The following RAB38 variants were observed in gnomAD, a reference collection of about 807,000 sequenced individuals.
RAB38 encodes the protein ras-related protein Rab-38.
In RAB38, 15 loss-of-function variants were observed where a neutral mutation model predicts 18.4. The ratio of observed to expected loss-of-function variants is 0.82; its 90% CI spans 0.55 to 1.26. RAB38 has a LOEUF of 1.26. Among genes scored for constraint, RAB38 ranks in the 50% most tolerant of loss-of-function variants. The probability of loss-of-function intolerance (pLI) is 0.00; values close to 1 mark genes in which losing one functional copy is unlikely to be tolerated. For synonymous variants in RAB38, 101 were observed against 104.4 expected, an observed-to-expected ratio of 0.97 and a Z score of 0.20; for missense variants, 294 against 267.4, an observed-to-expected ratio of 1.10 and a Z score of -0.69.
intron 2 of RAB38, among the ~76,000 whole-genome samples, chr11:88,142,121 C>A (rs894668320): frequency 5.3e-5 from 8 of 152,210 alleles, no homozygotes; most frequent in African/African-American, 1.9e-4. Flanking sequence ...CTAGACTCAG[C>A]TCTAGGGTCA....
At chr11:88,015,858 C>T in the RAB38 span, among the ~76,000 whole-genome samples, 1 of 152,108 alleles carries the variant, frequency 6.6e-6, no homozygotes, top group Admixed American at 6.6e-5. Flanking sequence ...TCTCCTCCAG[C>T]CTCTGTTCCA....
chr11:88,047,313 C>T, the RAB38 span, among the ~76,000 whole-genome samples: 1 of 152,174 alleles, frequency 6.6e-6, no homozygotes, highest in East Asian at 1.9e-4. Context: ...ATCCACCTGA[C>T]ATTCCCTCCA....
chr11:87,954,431 C>G, the RAB38 span, among the ~76,000 whole-genome samples: 3 of 152,044 alleles, frequency 2.0e-5, no homozygotes, highest in Non-Finnish European at 4.4e-5. Flanking sequence ...ACTAATTGGT[C>G]TTCAGGGAAT....
intron 2 of RAB38, among the ~76,000 whole-genome samples, chr11:88,127,202 A>C (rs1370984966): frequency 6.6e-6 from 1 of 152,184 alleles, no homozygotes; most frequent in Non-Finnish European, 1.5e-5. Flanking sequence ...ATTAAACAGA[A>C]AAGCAGTTTC....
chr11:88,009,195 C>T, the RAB38 span, among the ~76,000 whole-genome samples: 2 of 152,032 alleles, frequency 1.3e-5, no homozygotes, highest in African/African-American at 4.8e-5. Context: ...AGAAATGGAA[C>T]AATACTATAA....
chr11:87,958,977 C>T, the RAB38 span, among the ~76,000 whole-genome samples: 1 of 152,082 alleles, frequency 6.6e-6, no homozygotes, highest in African/African-American at 2.4e-5. Context: ...CCAATTTCTG[C>T]CCTAGAGAAT....
rs146424047 is a variant in RAB38 at position 88,145,158 on chromosome 11, T to C, written c.483+4517A>G. Among the ~76,000 whole-genome samples, 1,354 of 152,070 alleles carry C rather than the reference T, an allele frequency of 8.9e-3. 22 individuals are homozygous for C. Among genetic ancestry groups the C allele is most frequent in the African/African-American group, 0.031 (1,276 of 41,474 alleles). ...ACATTATTTATCTCTCTTTTTTTTT[T>C]TGTGGGTAGGGATGGAGTTTTGCTC... is the stretch of plus-strand genomic sequence containing the variant. On this transcript the variant is annotated intron_variant, in intron 2 of 2. Transcript: ENST00000243662.
chr11:87,964,680 G>T, the RAB38 span, among the ~76,000 whole-genome samples: 1 of 151,850 alleles, frequency 6.6e-6, no homozygotes, highest in South Asian at 2.1e-4. Context: ...GTCCCGCTGT[G>T]GCCACTTGGT....
the RAB38 span, among the ~76,000 whole-genome samples, chr11:87,867,997 C>T: frequency 6.6e-6 from 1 of 151,642 alleles, no homozygotes; most frequent in Non-Finnish European, 1.5e-5. Flanking sequence ...ATGCTGAAAC[C>T]CTTCACAGTT....
At chr11:88,165,350 G>A (rs1298351519) in intron 1 of RAB38, among the ~76,000 whole-genome samples, 2 of 152,042 alleles carry the variant, frequency 1.3e-5, no homozygotes, top group Non-Finnish European at 2.9e-5. Flanking sequence ...TTTCTGGCCT[G>A]TTTATAGTTC....
the RAB38 span, among the ~76,000 whole-genome samples, chr11:88,004,472 C>T: frequency 1.3e-5 from 2 of 151,048 alleles, no homozygotes. Context: ...AAGGAAAGTT[C>T]CTCAATATCA....
the RAB38 span, among the ~76,000 whole-genome samples, chr11:88,029,103 C>A: frequency 1.1e-4 from 16 of 151,936 alleles, no homozygotes; most frequent in Admixed American, 8.5e-4. Flanking sequence ...GAATTTTCAA[C>A]CCAGAATTTC....
the RAB38 span, among the ~76,000 whole-genome samples, chr11:87,869,829 GT>G: frequency 5.6e-4 from 85 of 151,768 alleles, no homozygotes; most frequent in African/African-American, 1.9e-3. Flanking sequence ...GAGATGAGCA[GT>G]ATTATTTTAT....
chr11:88,113,249 A>C (rs1942497482), downstream of RAB38: 1 of 152,414 alleles, frequency 6.6e-6, no homozygotes, highest in African/African-American at 2.4e-5. Context: ...CACTTTCATA[A>C]ATAGGGAAAC....
downstream of RAB38, among the ~76,000 whole-genome samples, chr11:88,111,533 G>C (rs2134761898): frequency 6.6e-6 from 1 of 152,252 alleles, no homozygotes; most frequent in East Asian, 1.9e-4. Flanking sequence ...CTGGCAAGGA[G>C]AAACTCATTT....
chr11:87,910,247 C>T, the RAB38 span, among the ~76,000 whole-genome samples: 1 of 152,024 alleles, frequency 6.6e-6, no homozygotes, highest in Non-Finnish European at 1.5e-5. Context: ...TATGATGAAT[C>T]CACCTATGTG....
chr11:88,038,649 T>C, the RAB38 span, among the ~76,000 whole-genome samples: 2 of 152,294 alleles, frequency 1.3e-5, no homozygotes, highest in South Asian at 4.1e-4. Flanking sequence ...TGTAAACTCA[T>C]TTGGTAATCA....
At chr11:88,083,398 G>A in the RAB38 span, among the ~76,000 whole-genome samples, 2 of 151,884 alleles carry the variant, frequency 1.3e-5, no homozygotes, top group South Asian at 2.1e-4. Context: ...GACTCACAAT[G>A]GATGGAGTCT....
the RAB38 span, among the ~76,000 whole-genome samples, chr11:88,024,288 T>G: frequency 5.9e-5 from 9 of 152,252 alleles, no homozygotes; most frequent in Admixed American, 2.0e-4. Flanking sequence ...GAAAAGGTGC[T>G]CAACATCATT....
Sources: gnomAD v4.1 joint callset for allele counts (sites outside exome capture counted in the v4.1 genomes callset) on GRCh38, gnomAD v4.1.1 for gene constraint, MANE v1.5 for transcripts, NCBI Gene and HGNC (gene_info 2026-07-23, HGNC 2026-07-21) for gene names.